The following PTPRD variants were observed in gnomAD, a reference collection of about 807,000 sequenced individuals.
PTPRD encodes protein tyrosine phosphatase receptor type D.
PTPRD carries 34 observed loss-of-function variants against 214.5 expected under a neutral mutation model. That is an observed-to-expected ratio of 0.16 (90% CI 0.12 to 0.21). The LOEUF is 0.21. Ranked by LOEUF, PTPRD falls within the 10% of genes least tolerant of loss-of-function variation. The pLI is 1.00. For missense variants in PTPRD, 2,545 were observed against 2,398.7 expected (o/e 1.06, Z -1.27); for synonymous variants, 1,128 against 845.7 (o/e 1.33, Z -5.79).
chr9:10,233,085 G>T (rs1340199668), intron 3 of PTPRD, among the ~76,000 whole-genome samples: 2 of 151,984 alleles, frequency 1.3e-5, no homozygotes, highest in South Asian at 2.1e-4. Context: ...TTTGTTGATG[G>T]TGTTGTGTAT....
At chr9:9,625,959 A>G (rs2095413162) in intron 7 of PTPRD, among the ~76,000 whole-genome samples, 1 of 152,142 alleles carries the variant, frequency 6.6e-6, no homozygotes, top group South Asian at 2.1e-4. Context: ...TGGGCCATAA[A>G]CTTTTGCTGC....
intron 14 of PTPRD, among the ~76,000 whole-genome samples, chr9:8,617,714 G>A (rs79753722): frequency 1.4e-3 from 212 of 152,162 alleles, no homozygotes; most frequent in African/African-American, 4.9e-3. Context: ...TCCTTAAAAT[G>A]AAACTCTTGA....
intron 35 of PTPRD, among the ~76,000 whole-genome samples, chr9:8,410,735 A>G (rs1168215251): frequency 6.6e-6 from 1 of 152,222 alleles, no homozygotes; most frequent in African/African-American, 2.4e-5. Context: ...GATAAGTGAT[A>G]AAATGCATCA....
intron 5 of PTPRD, among the ~76,000 whole-genome samples, chr9:9,836,324 G>A (rs1295865860): frequency 2.0e-5 from 3 of 152,130 alleles, no homozygotes; most frequent in Admixed American, 6.6e-5. Flanking sequence ...ACAATATCAG[G>A]TAAACAAGAC....
chr9:9,953,643 A>G (rs1173808816), intron 4 of PTPRD, among the ~76,000 whole-genome samples: 6 of 152,162 alleles, frequency 3.9e-5, no homozygotes, highest in Admixed American at 3.9e-4. Flanking sequence ...GCAAATTAAC[A>G]GTCTGTGATA....
chr9:9,322,825 G>C (rs988585570), intron 9 of PTPRD, among the ~76,000 whole-genome samples: 1 of 152,126 alleles, frequency 6.6e-6, no homozygotes, highest in Non-Finnish European at 1.5e-5. Context: ...TGGCATGTAA[G>C]CATGTAAGAG....
At position 8,661,483 on chromosome 9, in the gene PTPRD, G is replaced by C. The variant is rs7873509; in HGVS notation, c.65-24639C>G. 4.8e-3 allele frequency among the ~76,000 whole-genome samples: 723 copies of C among 152,016 alleles called. 15 individuals carry two copies. Among genetic ancestry groups the C allele is most frequent in the African/African-American group, 0.017 (695 of 41,418 alleles). ...TTCCAAAGGGAAATTTTAATGTCTAGGAACAATAAAAGTGTTAGAATATAA... is the reference window on the plus strand; with the variant it reads ...TTCCAAAGGGAAATTTTAATGTCTACGAACAATAAAAGTGTTAGAATATAA... On this transcript the variant is annotated intron_variant, in intron 12 of 45. Coordinates refer to ENST00000381196, the MANE Select transcript of PTPRD (RefSeq NM_002839.4).
chr9:10,530,566 C>G (rs1482552542), intron 2 of PTPRD, among the ~76,000 whole-genome samples: 2 of 152,056 alleles, frequency 1.3e-5, no homozygotes, highest in Non-Finnish European at 2.9e-5. Context: ...AGTGCTGATT[C>G]AGGGAAAGCA....
chr9:9,032,063 A>G (rs1271673949), intron 10 of PTPRD, among the ~76,000 whole-genome samples: 1 of 151,932 alleles, frequency 6.6e-6, no homozygotes, highest in Non-Finnish European at 1.5e-5. Flanking sequence ...AAAATTTCTT[A>G]AAATATGTAG....
intron 9 of PTPRD, among the ~76,000 whole-genome samples, chr9:9,225,422 A>G (rs1222468713): frequency 6.6e-6 from 1 of 152,038 alleles, no homozygotes; most frequent in African/African-American, 2.4e-5. Context: ...GGAACACTAT[A>G]TAAGAAGATG....
rs534019505 is a variant in PTPRD, at chr9:9,352,994, T to C, written c.-203+44455A>G. ...GTACTGCTTGGTGTTGTTGTATCTT[T>C]ATTGTTCTTATTTTCAATGATAAAA... On this transcript the variant is annotated intron_variant, in intron 9 of 45. Coordinates refer to ENST00000381196, the MANE Select transcript of PTPRD (RefSeq NM_002839.4). 1.2e-3 allele frequency among the ~76,000 whole-genome samples: 176 copies of C among 152,056 alleles called. 4 individuals carry two copies. In the South Asian group the frequency reaches 0.018, roughly 15 times the overall value.
chr9:10,080,884 G>A (rs970985422), intron 3 of PTPRD, among the ~76,000 whole-genome samples: 8 of 151,860 alleles, frequency 5.3e-5, no homozygotes, highest in East Asian at 1.9e-4. Flanking sequence ...AAAACATTAC[G>A]TAAATATTGG....
intron 7 of PTPRD, among the ~76,000 whole-genome samples, chr9:9,650,503 T>A (rs940663839): frequency 6.6e-6 from 1 of 152,178 alleles, no homozygotes; most frequent in East Asian, 1.9e-4. Context: ...TCAACAAGGA[T>A]AATGCCCTGA....
intron 2 of PTPRD, among the ~76,000 whole-genome samples, chr9:10,444,787 T>G (rs1342898575): frequency 6.6e-6 from 1 of 151,948 alleles, no homozygotes; most frequent in Non-Finnish European, 1.5e-5. Flanking sequence ...GGAGACATAA[T>G]GTTCAGATAA....
intron 14 of PTPRD, among the ~76,000 whole-genome samples, chr9:8,536,673 G>C (rs774696792): frequency 2.0e-5 from 3 of 151,990 alleles, no homozygotes; most frequent in Non-Finnish European, 4.4e-5. Context: ...TAATTACCTA[G>C]GAAGGGCTGA....
chr9:8,964,198 T>TTG (rs1346357071), intron 11 of PTPRD, among the ~76,000 whole-genome samples: 5 of 140,222 alleles, frequency 3.6e-5, no homozygotes, highest in South Asian at 2.4e-4. Flanking sequence ...CTGTGTTTTT[T>TTG]TTTTTTTTTT....
intron 45 of PTPRD, 55 bp downstream of exon 45, chr9:8,319,776 C>T (rs2130686360): frequency 6.2e-7 from 1 of 1,606,578 alleles, no homozygotes; most frequent in Admixed American, 1.7e-5. Flanking sequence ...CCGGGAGGTC[C>T]AGGCTAGCAA....
At chr9:9,389,131 T>C (rs1275076999) in intron 9 of PTPRD, among the ~76,000 whole-genome samples, 1 of 152,216 alleles carries the variant, frequency 6.6e-6, no homozygotes, top group Non-Finnish European at 1.5e-5. Flanking sequence ...AGGATTAAAT[T>C]TGATAATATA....
intron 14 of PTPRD, among the ~76,000 whole-genome samples, chr9:8,584,044 C>T (rs1012317353): frequency 2.0e-5 from 3 of 152,082 alleles, no homozygotes; most frequent in African/African-American, 4.8e-5. Context: ...GTCTCTGCTA[C>T]TTGGGAAGCT....
Sources: allele counts gnomAD v4.1 joint callset (sites outside exome capture counted in the v4.1 genomes callset), GRCh38; gene constraint gnomAD v4.1.1; transcripts MANE v1.5; gene names NCBI Gene and HGNC (gene_info 2026-07-23, HGNC 2026-07-21).